Variants in STAG2 observed in about 807,000 individuals in gnomAD.
The protein encoded by STAG2 is cohesin subunit SA-2.
A neutral mutation model predicts 108.1 loss-of-function variants in STAG2; 14 were observed. The observed-to-expected ratio is 0.13, with a 90% CI of 0.09 to 0.20. The LOEUF is 0.20. STAG2 is among the 10% of genes least tolerant of loss of function. The pLI is 1.00. For synonymous variants in STAG2, 307 were observed against 302.7 expected (o/e 1.01, Z -0.15); for missense variants, 440 against 940.9 (o/e 0.47, Z 6.96).
At chrX:124,042,484 C>T in intron 6 of STAG2, 85 bp from the exon 7 acceptor site, 2 of 629,619 alleles carry the variant, frequency 3.2e-6, no homozygotes, top group Non-Finnish European at 5.2e-6. Flanking sequence ...TGACCATAGA[C>T]TTCTTAGTGT....
rs2058531409 is a variant in STAG2, at chrX:124,066,433, A to G, written c.2262A>G (p.Thr754=). 8.3e-7 allele frequency: 1 copy of G among 1,200,365 alleles called. No individual in the cohort carries two copies. The highest frequency in any genetic ancestry group is 1.7e-5 in the African/African-American group (1 of 57,546). The stretch of plus-strand genomic sequence containing the variant: ...CTAAGATAACTGAAAGCAGCTCTAC[A>G]AAGGTTTGTGGTGGTTCAGTAGTGT... ...QLAKITESSS[T]KEDLLRLKKQ... Residue 754 remains threonine (T), a synonymous_variant, in exon 23 of 35, where the codon ACA becomes ACG. Transcript: ENST00000371145.
chrX:124,007,927 CTA>C (rs2056364699), intron 1 of STAG2, among the ~76,000 whole-genome samples: 1 of 111,547 alleles, frequency 9.0e-6, no homozygotes, highest in African/African-American at 3.3e-5. Context: ...TCACTAGTAA[CTA>C]AGTTCAAGTA....
rs2059493667 is a variant in STAG2 at position 124,100,766 on chromosome X, ATAAAC to A, written c.*170_*174del. 3.0e-6 allele frequency: 1 copy of A among 337,986 alleles called. No homozygotes were observed. The highest frequency in any genetic ancestry group is 2.7e-5 in the African/African-American group (1 of 37,078). The allele number at this position is 337,986 out of a possible 1,213,427, so 27.9% of individuals were successfully genotyped here. A position where few individuals can be genotyped will look rare whatever the true frequency, so the allele number is the denominator to read the frequency against. ...TTGAGGGGCAGTTTTGTTTGCCTGAATAAACGTAAAGGACAAGTAAACAATTTGAT... is the reference window on the plus strand; with the variant it reads ...TTGAGGGGCAGTTTTGTTTGCCTGAAGTAAAGGACAAGTAAACAATTTGAT... On this transcript the variant is annotated 3_prime_UTR_variant, in exon 35 of 35. Coordinates refer to ENST00000371145, the MANE Select transcript of STAG2 (RefSeq NM_001042750.2).
intron 2 of STAG2, among the ~76,000 whole-genome samples, chrX:124,022,110 C>T (rs1227678936): frequency 1.8e-5 from 2 of 111,452 alleles, no homozygotes; most frequent in Non-Finnish European, 3.8e-5. Context: ...GTGGCTCATG[C>T]CTGTAATCCC....
intron 24 of STAG2, among the ~76,000 whole-genome samples, chrX:124,069,237 T>G (rs1296874425): frequency 1.8e-5 from 2 of 112,482 alleles, no homozygotes; most frequent in Non-Finnish European, 3.8e-5. Flanking sequence ...TCAATTCTAA[T>G]TCCCTAATTG....
Position 124,102,570 on chromosome X carries a change from T to C in STAG2, c.*1973T>C, listed in dbSNP as rs923457941. On this transcript the variant is annotated 3_prime_UTR_variant, in exon 35 of 35. Transcript: ENST00000371145. ...ATGGTTTGCAAATTTATATCTATTATCACATCTTTTAATGTGTTTGGGGAA... is the reference window on the plus strand; with the variant it reads ...ATGGTTTGCAAATTTATATCTATTACCACATCTTTTAATGTGTTTGGGGAA... 6.8e-6 allele frequency: 1 copy of C among 147,192 alleles called. No homozygotes were observed. The highest frequency in any genetic ancestry group is 3.1e-5 in the African/African-American group (1 of 32,443). 12.1% of individuals were successfully genotyped at this position (147,192 alleles called of 1,213,427 possible).
intron 1 of STAG2, among the ~76,000 whole-genome samples, chrX:123,967,890 T>C (rs900396716): frequency 1.7e-4 from 19 of 110,335 alleles, no homozygotes; most frequent in African/African-American, 5.3e-4. Context: ...CCTTATAATC[T>C]TATGGGACCA....
At chrX:124,098,009 A>G (rs1188116945) in intron 34 of STAG2, among the ~76,000 whole-genome samples, 1 of 109,465 alleles carries the variant, frequency 9.1e-6, no homozygotes, top group East Asian at 2.8e-4. Flanking sequence ...TCTTAGTTAC[A>G]TACTAGATTT....
chrX:124,047,569 A>G lies in STAG2; in HGVS notation c.819+64A>G, dbSNP rs1289001446. On this transcript the variant is annotated intron_variant, in intron 9 of 34. Coordinates refer to ENST00000371145, the MANE Select transcript of STAG2 (RefSeq NM_001042750.2). Reference sequence around the variant, plus strand: ...CAACTTGGTCACCATTAATTAGGATATAACTTTGCTAGTGGCTCAGATAAT... The same window carrying G: ...CAACTTGGTCACCATTAATTAGGATGTAACTTTGCTAGTGGCTCAGATAAT... 8.3e-6 allele frequency: 8 copies of G among 965,778 alleles called. No homozygotes were observed. The South Asian group carries it at 1.6e-4, about 19-fold the overall frequency. The allele number at this position is 965,778 out of a possible 1,213,427, so 79.6% of individuals were successfully genotyped here. A position where few individuals can be genotyped will look rare whatever the true frequency, so the allele number is the denominator to read the frequency against.
In STAG2 at chrX:124,064,041, T is replaced by G; in HGVS notation, c.2015T>G (p.Phe672Cys). The G allele has an allele frequency of 8.3e-7, 1 of 1,202,337 alleles. No homozygotes were observed. Among genetic ancestry groups the G allele is most frequent in the East Asian group, 3.0e-5 (1 of 33,767 alleles). ...AAATTTAACCGGCTTCTTGAAGATT[T>G]TCTGCAAGAGGTATATATTATAACT... ...ADKFNRLLEDFLQEGEEPDED... is the reference protein window; with the variant it reads ...ADKFNRLLEDCLQEGEEPDED... Residue 672 changes from phenylalanine (F) to cysteine (C), a missense_variant, in exon 20 of 35, where the codon TTT becomes TGT. Transcript: ENST00000371145.
At chrX:124,080,416 G>A (rs982519769) in intron 27 of STAG2, among the ~76,000 whole-genome samples, 4 of 111,026 alleles carry the variant, frequency 3.6e-5, no homozygotes, top group South Asian at 3.8e-4. Flanking sequence ...ACGACCGGGC[G>A]CGGTGGCTCA....
chrX:124,058,957 C>T (rs1278146158), intron 15 of STAG2, among the ~76,000 whole-genome samples: 1 of 111,377 alleles, frequency 9.0e-6, no homozygotes, highest in Non-Finnish European at 1.9e-5. Flanking sequence ...GATAATTTTC[C>T]TTTTCCTCTC....
chrX:124,040,637 G>A (rs2057680524), intron 6 of STAG2, among the ~76,000 whole-genome samples: 2 of 109,000 alleles, frequency 1.8e-5, no homozygotes, highest in African/African-American at 6.7e-5. Context: ...TTGTTGAAAA[G>A]TATGCAGTAT....
intron 1 of STAG2, among the ~76,000 whole-genome samples, chrX:124,006,425 G>A (rs1414939730): frequency 2.1e-5 from 2 of 96,471 alleles, no homozygotes; most frequent in Non-Finnish European, 4.1e-5. Flanking sequence ...CTATCATTTG[G>A]TGTTGTCACT....
chrX:123,989,924 G>A (rs1185535120), intron 1 of STAG2, among the ~76,000 whole-genome samples: 1 of 111,273 alleles, frequency 9.0e-6, no homozygotes, highest in African/African-American at 3.3e-5. Flanking sequence ...TACTACGTTA[G>A]CCTAACATTT....
At chrX:124,081,303 A>G (rs1415985501) in intron 27 of STAG2, 77 bp from the exon 28 acceptor site, 9 of 715,503 alleles carry the variant, frequency 1.3e-5, no homozygotes, top group Non-Finnish European at 1.8e-5. Context: ...TGTATTTTAA[A>G]TGAAAATGTA....
intron 1 of STAG2, 94 bp from the exon 2 acceptor site, chrX:124,021,273 C>T (rs981905656): frequency 9.0e-6 from 1 of 111,495 alleles, no homozygotes; most frequent in African/African-American, 3.3e-5. Flanking sequence ...GATATCTAAC[C>T]TACTGGGAGA....
chrX:123,979,640 T>A (rs757701118), intron 1 of STAG2, among the ~76,000 whole-genome samples: 2 of 111,547 alleles, frequency 1.8e-5, no homozygotes, highest in East Asian at 5.6e-4. Context: ...TTCTCATGAA[T>A]TGCCTTGAGT....
chrX:124,088,615 CTTTTTTTTTT>C (rs35629422), intron 30 of STAG2, among the ~76,000 whole-genome samples: 1 of 82,289 alleles, frequency 1.2e-5, no homozygotes, highest in Non-Finnish European at 2.3e-5. Flanking sequence ...TATGTATAAT[CTTTTTTTTTT>C]TTTTTTTTGA....
Sources: allele counts gnomAD v4.1 joint callset (sites outside exome capture counted in the v4.1 genomes callset), GRCh38; gene constraint gnomAD v4.1.1; transcripts MANE v1.5; gene names NCBI Gene and HGNC (gene_info 2026-07-23, HGNC 2026-07-21).